DPRX: variants seen among roughly 807,000 people sequenced by gnomAD.
DPRX encodes the protein divergent paired-related homeobox.
A neutral mutation model predicts 8.4 loss-of-function variants in DPRX; 11 were observed. That is an observed-to-expected ratio of 1.31 (90% CI 0.82 to 2.17). The LOEUF (loss-of-function observed/expected upper bound fraction) is 2.17, where lower values mean the gene tolerates loss of function less well. DPRX is among the 30% of genes most tolerant of loss of function. DPRX has a pLI of 0.00. For synonymous variants in DPRX, 72 were observed against 87.0 expected, an observed-to-expected ratio of 0.83 and a Z score of 0.96; for missense variants, 211 against 236.7, an observed-to-expected ratio of 0.89 and a Z score of 0.71.
chr19:53,601,405 C>T, the DPRX span: 76 of 455,342 alleles, frequency 1.7e-4, 1 homozygote, highest in African/African-American at 1.1e-3. Context: ...GAGCACACCA[C>T]GAACGTCTGC....
the DPRX span, among the ~76,000 whole-genome samples, chr19:53,622,474 A>G: frequency 6.6e-6 from 1 of 152,124 alleles, no homozygotes; most frequent in Admixed American, 6.6e-5. Context: ...TCGTCTTATT[A>G]AGAGTCTGAT....
the DPRX span, among the ~76,000 whole-genome samples, chr19:53,622,665 C>G: frequency 7.9e-5 from 12 of 152,104 alleles, no homozygotes; most frequent in Non-Finnish European, 2.9e-5. Context: ...CCAACTACCT[C>G]ATTTCTCTGC....
the DPRX span, chr19:53,602,312 G>GTGTGTGTC: frequency 2.0e-3 from 648 of 316,294 alleles, 6 homozygotes; most frequent in African/African-American, 0.014. Context: ...GTGTGTGTGT[G>GTGTGTGTC]CCAGCCTCCC....
intron 2 of DPRX, among the ~76,000 whole-genome samples, chr19:53,636,379 AAT>A (rs2091112047): frequency 6.6e-6 from 1 of 150,834 alleles, no homozygotes; most frequent in East Asian, 1.9e-4. Context: ...AATAAAATAA[AAT>A]AAAATAAAAA....
chr19:53,626,596 C>G, the DPRX span, among the ~76,000 whole-genome samples: 3 of 152,176 alleles, frequency 2.0e-5, no homozygotes, highest in Non-Finnish European at 4.4e-5. Flanking sequence ...AGGCACAGAT[C>G]ATATTAATCC....
At chr19:53,603,481 C>T in the DPRX span, 2 of 437,856 alleles carry the variant, frequency 4.6e-6, no homozygotes, top group Admixed American at 5.0e-5. Context: ...GCTTTGGGTA[C>T]AGAATTCATC....
the DPRX span, chr19:53,601,230 C>A: frequency 2.2e-6 from 1 of 455,856 alleles, no homozygotes; most frequent in Non-Finnish European, 4.4e-6. Flanking sequence ...GCTCAGACAC[C>A]CAAGAGGCCT....
chr19:53,618,705 C>T, the DPRX span, among the ~76,000 whole-genome samples: 191 of 128,702 alleles, frequency 1.5e-3, 2 homozygotes, highest in African/African-American at 5.0e-3. Flanking sequence ...TTTTTTTGGA[C>T]GGAGACTTGC....
At chr19:53,629,160 G>A (rs1050936042), upstream of DPRX, among the ~76,000 whole-genome samples, 89 of 151,050 alleles carry the variant, frequency 5.9e-4, no homozygotes, top group African/African-American at 2.0e-3. Context: ...CTAAAAATAC[G>A]AAAATTAGCC....
the DPRX span, among the ~76,000 whole-genome samples, chr19:53,607,955 T>C: frequency 1.3e-5 from 2 of 149,596 alleles, no homozygotes; most frequent in African/African-American, 4.9e-5. Flanking sequence ...GACAGATCAA[T>C]GGAGGTCAGG....
upstream of DPRX, chr19:53,629,977 C>A (rs942937549): frequency 2.0e-5 from 3 of 151,072 alleles, no homozygotes; most frequent in Non-Finnish European, 4.4e-5. Flanking sequence ...GAGGCCAAGG[C>A]AGATGGATCA....
chr19:53,632,199 G>C lies in DPRX; in HGVS notation c.28+65G>C, dbSNP rs375250886. On this transcript the variant is annotated intron_variant, in intron 1 of 2. Transcript: ENST00000376650. The stretch of plus-strand genomic sequence containing the variant: ...AAGAAGTGGAAAGCAGCTGGCGGCG[G>C]GAAAAGGCAGAGGGACCAGGCGGCC... 728 of 1,612,198 alleles carry C rather than the reference G, an allele frequency of 4.5e-4. 1 individual carries two copies. The African/African-American group carries it at 9.0e-3, about 20-fold the overall frequency.
upstream of DPRX, among the ~76,000 whole-genome samples, chr19:53,631,891 G>A (rs1367944023): frequency 6.6e-6 from 1 of 152,122 alleles, no homozygotes; most frequent in Admixed American, 6.6e-5. Context: ...TGAGTCGTTG[G>A]TCTCCGCTCA....
the DPRX span, among the ~76,000 whole-genome samples, chr19:53,602,955 C>T: frequency 6.6e-6 from 1 of 151,980 alleles, no homozygotes; most frequent in East Asian, 1.9e-4. Flanking sequence ...CCACCACACC[C>T]AGCCTAAACT....
the DPRX span, among the ~76,000 whole-genome samples, chr19:53,613,070 G>A: frequency 6.6e-6 from 1 of 152,146 alleles, no homozygotes; most frequent in Non-Finnish European, 1.5e-5. Flanking sequence ...GGATTCTGGT[G>A]TCTATGGCTC....
intron 1 of DPRX, among the ~76,000 whole-genome samples, chr19:53,632,380 A>T (rs550012392): frequency 1.3e-5 from 2 of 152,118 alleles, no homozygotes; most frequent in South Asian, 4.2e-4. Context: ...GGCTCACTGC[A>T]ACCTCCACCT....
chr19:53,603,902 C>T, the DPRX span, among the ~76,000 whole-genome samples: 33 of 151,964 alleles, frequency 2.2e-4, no homozygotes, highest in Admixed American at 4.6e-4. Context: ...ACCACCACCA[C>T]GCCCAGCTAA....
chr19:53,601,588 T>C, the DPRX span, among the ~76,000 whole-genome samples: 1 of 150,540 alleles, frequency 6.6e-6, no homozygotes, highest in South Asian at 2.1e-4. Flanking sequence ...TTCAAGCGAT[T>C]CTCCTGCCTC....
At chr19:53,624,250 G>C in the DPRX span, among the ~76,000 whole-genome samples, 4 of 151,250 alleles carry the variant, frequency 2.6e-5, no homozygotes, top group African/African-American at 9.7e-5. Flanking sequence ...ACCACGCCCA[G>C]CTAATTTTTG....
Sources: gnomAD v4.1 joint callset for allele counts (sites outside exome capture counted in the v4.1 genomes callset) on GRCh38, gnomAD v4.1.1 for gene constraint, MANE v1.5 for transcripts, NCBI Gene and HGNC (gene_info 2026-07-23, HGNC 2026-07-21) for gene names.